CRB1: variants seen among roughly 807,000 people sequenced by gnomAD.
CRB1 encodes protein crumbs homolog 1.
CRB1 carries 83 observed loss-of-function variants against 120.0 expected under a neutral mutation model. That is an observed-to-expected ratio of 0.69 (90% CI 0.58 to 0.83). CRB1 has a LOEUF of 0.83. Among genes scored for constraint, CRB1 ranks in the 40% least tolerant of loss-of-function variants. CRB1 has a pLI of 0.00. For missense variants in CRB1, 1,699 were observed against 1,687.6 expected (o/e 1.01, Z -0.12); for synonymous variants, 625 against 612.5 (o/e 1.02, Z -0.30).
the CRB1 span, among the ~76,000 whole-genome samples, chr1:197,220,257 T>G: frequency 6.6e-6 from 1 of 152,062 alleles, no homozygotes; most frequent in Middle Eastern, 3.2e-3. Context: ...GTTTAGGAAA[T>G]GAAGTATTTT....
chr1:197,329,719 T>TG (rs780562658), intron 2 of CRB1, among the ~76,000 whole-genome samples: 2 of 152,234 alleles, frequency 1.3e-5, no homozygotes, highest in Non-Finnish European at 2.9e-5. Context: ...TTCTTCACGA[T>TG]GGCCACATTT....
At chr1:197,359,788 A>C (rs1660681542) in intron 5 of CRB1, among the ~76,000 whole-genome samples, 1 of 151,992 alleles carries the variant, frequency 6.6e-6, no homozygotes, top group African/African-American at 2.4e-5. Flanking sequence ...TTTAATAGTC[A>C]TGTTGATAGG....
At chr1:197,319,673 T>G (rs1262865564) in intron 1 of CRB1, among the ~76,000 whole-genome samples, 2 of 152,158 alleles carry the variant, frequency 1.3e-5, no homozygotes, top group African/African-American at 4.8e-5. Context: ...CTTTCTTTTT[T>G]TTTCTCACCC....
the CRB1 span, among the ~76,000 whole-genome samples, chr1:197,239,212 G>A: frequency 3.9e-5 from 6 of 152,082 alleles, 1 homozygote; most frequent in African/African-American, 1.4e-4. Context: ...GTGTTCTATA[G>A]AAGTCAATTA....
intron 1 of CRB1, among the ~76,000 whole-genome samples, chr1:197,308,075 G>T (rs1657277331): frequency 6.6e-6 from 1 of 151,954 alleles, no homozygotes; most frequent in Non-Finnish European, 1.5e-5. Flanking sequence ...AATAAAATGG[G>T]TATATATATA....
chr1:197,272,076 AG>A (rs1654938510), intron 1 of CRB1, among the ~76,000 whole-genome samples: 1 of 152,188 alleles, frequency 6.6e-6, no homozygotes, highest in African/African-American at 2.4e-5. Flanking sequence ...AAGTACTAAA[AG>A]AATGAAGAAC....
intron 4 of CRB1, among the ~76,000 whole-genome samples, chr1:197,348,565 C>G (rs1195003611): frequency 6.6e-6 from 1 of 152,160 alleles, no homozygotes; most frequent in East Asian, 1.9e-4. Flanking sequence ...TAAGCTCCGC[C>G]TCCCGGGTTC....
intron 2 of CRB1, among the ~76,000 whole-genome samples, chr1:197,336,034 G>T (rs1383880272): frequency 6.6e-6 from 1 of 152,192 alleles, no homozygotes; most frequent in Non-Finnish European, 1.5e-5. Context: ...ATATTGCCAT[G>T]CAGTGTCTTT....
chr1:197,262,114 T>C, the CRB1 span, among the ~76,000 whole-genome samples: 2 of 152,218 alleles, frequency 1.3e-5, no homozygotes, highest in Non-Finnish European at 2.9e-5. Context: ...TTACTGATGA[T>C]GACTCTAGTA....
chr1:197,265,317 T>TCTTCCTTC (rs1279231074), upstream of CRB1, among the ~76,000 whole-genome samples: 7 of 149,862 alleles, frequency 4.7e-5, no homozygotes, highest in South Asian at 8.4e-4. Context: ...TTCCTTTCTT[T>TCTTCCTTC]CTTCCTTCCT....
intron 5 of CRB1, among the ~76,000 whole-genome samples, chr1:197,416,250 T>C (rs1050859381): frequency 6.6e-6 from 1 of 152,240 alleles, no homozygotes; most frequent in Admixed American, 6.5e-5. Context: ...ATGTAATCAA[T>C]ATTTATTGAT....
rs886045783 is a variant in CRB1, at chr1:197,328,722, T to C, written c.371T>C (p.Ile124Thr). 1.9e-6 allele frequency: 3 copies of C among 1,612,278 alleles called. No individual in the cohort carries two copies. Among genetic ancestry groups the C allele is most frequent in the Non-Finnish European group, 2.5e-6 (3 of 1,178,698 alleles). ...AAGAACTCCTGCCAACATGGAGGTA[T>C]TTGCCATCAGGACCCTATTTATCCT... ...CGKNSCQHGG[I>T]CHQDPIYPVC... Residue 124 changes from isoleucine (I) to threonine (T), a missense_variant, in exon 2 of 12, where the codon ATT becomes ACT. By Grantham distance (89) the Ile-to-Thr change is moderately conservative. Coordinates refer to ENST00000367400, the MANE Select transcript of CRB1 (RefSeq NM_201253.3).
At chr1:197,467,235 A>C (rs1666788911) in intron 11 of CRB1, among the ~76,000 whole-genome samples, 1 of 152,236 alleles carries the variant, frequency 6.6e-6, no homozygotes, top group South Asian at 2.1e-4. Context: ...AATTGAAAAA[A>C]AGTTACAACT....
chr1:197,355,096 A>T (rs916098637), intron 4 of CRB1, among the ~76,000 whole-genome samples: 3 of 151,974 alleles, frequency 2.0e-5, no homozygotes, highest in African/African-American at 7.3e-5. Context: ...TGAGCTAGAC[A>T]CAGGGTGCTG....
intron 5 of CRB1, among the ~76,000 whole-genome samples, chr1:197,411,951 G>GT (rs755426723): frequency 8.5e-5 from 13 of 152,114 alleles, no homozygotes; most frequent in Non-Finnish European, 1.6e-4. Context: ...TCTCTTTGTT[G>GT]TATTGGAGAA....
At chr1:197,250,120 T>A in the CRB1 span, among the ~76,000 whole-genome samples, 2 of 152,004 alleles carry the variant, frequency 1.3e-5, no homozygotes, top group African/African-American at 4.8e-5. Context: ...GTTGAGAAAG[T>A]TTTTCCCACT....
At chr1:197,225,106 T>G in the CRB1 span, among the ~76,000 whole-genome samples, 1 of 152,172 alleles carries the variant, frequency 6.6e-6, no homozygotes, top group African/African-American at 2.4e-5. Flanking sequence ...TTTTCTCCAT[T>G]TCACAGATGA....
chr1:197,393,782 C>T (rs975214756), intron 5 of CRB1, among the ~76,000 whole-genome samples: 2 of 140,360 alleles, frequency 1.4e-5, no homozygotes, highest in Admixed American at 7.0e-5. Flanking sequence ...GATTAAGGCA[C>T]ATTTATCTGT....
Position 197,453,858 on chromosome 1 carries a change from TA to T in CRB1, c.4005+11567del, listed in dbSNP as rs917738817. Among the ~76,000 whole-genome samples, 36 of 142,150 alleles carry T rather than the reference TA, an allele frequency of 2.5e-4. No homozygotes were observed. The East Asian group carries it at 6.1e-3, about 24-fold the overall frequency. The allele number at this position is 142,150 out of a possible 152,430, so 93.3% of individuals were successfully genotyped here. ...TATATTATCAATATTATTATTAATA[TA>T]TATTAATATTATTAATAATATATAT... is the stretch of plus-strand genomic sequence containing the variant. On this transcript the variant is annotated intron_variant, in intron 11 of 11. Coordinates refer to ENST00000367400, the MANE Select transcript of CRB1 (RefSeq NM_201253.3).
Sources: gnomAD v4.1 joint callset for allele counts (sites outside exome capture counted in the v4.1 genomes callset) on GRCh38, gnomAD v4.1.1 for gene constraint, MANE v1.5 for transcripts, NCBI Gene and HGNC (gene_info 2026-07-23, HGNC 2026-07-21) for gene names.